The following GALNT10 variants were observed in gnomAD, a reference collection of about 807,000 sequenced individuals.
GALNT10 encodes GalNAc transferase 10.
In GALNT10, 41 loss-of-function variants were observed where a neutral mutation model predicts 75.0. The observed-to-expected ratio is 0.55, with a 90% CI of 0.43 to 0.71. The LOEUF (loss-of-function observed/expected upper bound fraction) is 0.71, where lower values mean the gene tolerates loss of function less well. GALNT10 is among the 30% of genes least tolerant of loss of function. The probability of loss-of-function intolerance (pLI) is 0.00; values close to 1 mark genes in which losing one functional copy is unlikely to be tolerated. For missense variants in GALNT10, 727 were observed against 818.5 expected, an observed-to-expected ratio of 0.89 and a Z score of 1.36; for synonymous variants, 302 against 313.0, an observed-to-expected ratio of 0.96 and a Z score of 0.37.
intron 1 of GALNT10, among the ~76,000 whole-genome samples, chr5:154,258,043 A>G (rs1308121487): frequency 6.6e-6 from 1 of 152,198 alleles, no homozygotes; most frequent in Non-Finnish European, 1.5e-5. Flanking sequence ...TCAGGAGAAG[A>G]AGGAAGAAAG....
chr5:154,330,249 T>C (rs995134905), intron 4 of GALNT10, among the ~76,000 whole-genome samples: 8 of 152,248 alleles, frequency 5.3e-5, no homozygotes, highest in Non-Finnish European at 1.2e-4. Flanking sequence ...TTTTGCCTTC[T>C]AATTCAGGAA....
chr5:154,202,338 G>T (rs1156426436), intron 1 of GALNT10, among the ~76,000 whole-genome samples: 1 of 152,200 alleles, frequency 6.6e-6, no homozygotes. Context: ...GGAGTGTGGG[G>T]CACAGCTCGG....
intron 1 of GALNT10, among the ~76,000 whole-genome samples, chr5:154,235,160 C>T (rs1449439378): frequency 6.6e-6 from 1 of 152,144 alleles, no homozygotes; most frequent in African/African-American, 2.4e-5. Context: ...GGGCTGCGGT[C>T]CCTTCGAAGC....
chr5:154,257,103 C>T lies in GALNT10; in HGVS notation c.160-37713C>T, dbSNP rs532331911. Among the ~76,000 whole-genome samples, 14 of 151,792 alleles carry T rather than the reference C, an allele frequency of 9.2e-5. No homozygotes were observed. The South Asian group carries it at 1.3e-3, about 14-fold the overall frequency. ...CAGTTGGGGCACCATAGCAAGACCC[C>T]GTCTCCAAAAAAATAAAAAATAAAT... On this transcript the variant is annotated intron_variant, in intron 1 of 11. Transcript: ENST00000297107.
chr5:154,289,860 C>T lies in GALNT10; in HGVS notation c.160-4956C>T, dbSNP rs148018255. On this transcript the variant is annotated intron_variant, in intron 1 of 11. Transcript: ENST00000297107. ...AAACCTCATTAGGCCTACACAGTATCTGTGCTGTCAAACCTGAATCCCTGG... is the reference window on the plus strand; with the variant it reads ...AAACCTCATTAGGCCTACACAGTATTTGTGCTGTCAAACCTGAATCCCTGG... 4.6e-5 allele frequency among the ~76,000 whole-genome samples: 7 copies of T among 152,306 alleles called. No homozygotes were observed. The East Asian group carries it at 1.2e-3, about 25-fold the overall frequency.
At chr5:154,246,760 G>A (rs1306963055) in intron 1 of GALNT10, among the ~76,000 whole-genome samples, 1 of 152,078 alleles carries the variant, frequency 6.6e-6, no homozygotes, top group Non-Finnish European at 1.5e-5. Flanking sequence ...TCTGTAGGTT[G>A]CCTGTTCACT....
chr5:154,379,901 G>A (rs58269907), intron 5 of GALNT10, among the ~76,000 whole-genome samples: 3,384 of 152,274 alleles, frequency 0.022, 59 homozygotes, highest in South Asian at 0.053. Context: ...ATTCTTGCAA[G>A]GAGGGCCGTT....
chr5:154,248,560 T>C (rs567641000), intron 1 of GALNT10, among the ~76,000 whole-genome samples: 1 of 152,366 alleles, frequency 6.6e-6, no homozygotes, highest in East Asian at 1.9e-4. Context: ...TGTTGAGGAA[T>C]TTATCCATTT....
chr5:154,402,633 G>A lies in GALNT10; in HGVS notation c.1057-1471G>A, dbSNP rs914314038. Among the ~76,000 whole-genome samples, 24 of 152,144 alleles carry A rather than the reference G, an allele frequency of 1.6e-4. No individual in the cohort carries two copies. The highest frequency in any genetic ancestry group is 4.6e-4 in the African/African-American group (19 of 41,434). ...GTTTGATAGCTCCACCTTGGGTCTC[G>A]CATAGGAGAATAGTCAGGCCATGAG... On this transcript the variant is annotated intron_variant, in intron 7 of 11. Coordinates refer to ENST00000297107, the MANE Select transcript of GALNT10 (RefSeq NM_198321.4). The surrounding 1 kb of genome is among the most constrained non-coding windows in gnomAD (Gnocchi z 4.2).
chr5:154,269,348 A>G (rs897473045), intron 1 of GALNT10, among the ~76,000 whole-genome samples: 4 of 152,182 alleles, frequency 2.6e-5, no homozygotes, highest in Non-Finnish European at 4.4e-5. Flanking sequence ...TGACTCTTCT[A>G]TTGGATTTTG....
chr5:154,416,480 T>TACACACACACACACTCACACAC lies in GALNT10; in HGVS notation c.1654-320_1654-319insTCACACACACACACACACACAC, dbSNP rs1756513057. On this transcript the variant is annotated intron_variant, in intron 11 of 11. Coordinates refer to ENST00000297107, the MANE Select transcript of GALNT10 (RefSeq NM_198321.4). This position sits in a 1 kb window ranked among gnomAD's most constrained non-coding sequence, Gnocchi z 4.5. ...AAATAAAAGATAAAAGGAAAGCACA[T>TACACACACACACACTCACACAC]ACACACACACACACACACACACACA... 7.1e-6 allele frequency among the ~76,000 whole-genome samples: 1 copy of TACACACACACACACTCACACAC among 141,828 alleles called. No individual in the cohort carries two copies. Among genetic ancestry groups the TACACACACACACACTCACACAC allele is most frequent in the African/African-American group, 2.7e-5 (1 of 36,794 alleles). 93.0% of individuals were successfully genotyped at this position (141,828 alleles called of 152,430 possible).
At chr5:154,269,817 T>C (rs973016530) in intron 1 of GALNT10, among the ~76,000 whole-genome samples, 2 of 151,780 alleles carry the variant, frequency 1.3e-5, no homozygotes, top group Non-Finnish European at 2.9e-5. Flanking sequence ...TGGCAGAGGG[T>C]AGGAGGGACT....
At chr5:154,329,475 G>A in intron 3 of GALNT10, 97 bp from the exon 4 acceptor site, 1 of 900,380 alleles carries the variant, frequency 1.1e-6, no homozygotes, top group South Asian at 1.5e-5. Context: ...GACTGGAGAG[G>A]AAGTGGGGTT....
chr5:154,198,757 C>G (rs1475009124), intron 1 of GALNT10, among the ~76,000 whole-genome samples: 1 of 133,252 alleles, frequency 7.5e-6, no homozygotes, highest in African/African-American at 3.5e-5. Flanking sequence ...GTTACTCCAG[C>G]CCCCAGGGGT....
At chr5:154,196,095 G>A (rs940725376) in intron 1 of GALNT10, among the ~76,000 whole-genome samples, 11 of 151,962 alleles carry the variant, frequency 7.2e-5, no homozygotes, top group Non-Finnish European at 1.2e-4. Flanking sequence ...GGCTAATTTT[G>A]TATTTTTAGT....
chr5:154,374,552 G>A (rs141168426), intron 4 of GALNT10, among the ~76,000 whole-genome samples: 6 of 152,256 alleles, frequency 3.9e-5, no homozygotes, highest in East Asian at 1.9e-4. Flanking sequence ...GCAGTGGCTC[G>A]ATCATGGCTC....
At chr5:154,283,177 C>T (rs768123371) in intron 1 of GALNT10, among the ~76,000 whole-genome samples, 8 of 151,624 alleles carry the variant, frequency 5.3e-5, no homozygotes, top group Non-Finnish European at 1.2e-4. Flanking sequence ...GGCATGATGG[C>T]TCACGCCTGT....
intron 3 of GALNT10, among the ~76,000 whole-genome samples, chr5:154,302,972 C>T (rs948225882): frequency 2.6e-5 from 4 of 152,104 alleles, no homozygotes; most frequent in Admixed American, 6.5e-5. Flanking sequence ...CTTGCCAACA[C>T]AGGAAGTTTA....
rs888200737 is a variant in GALNT10 at position 154,386,343 on chromosome 5, C to T, written c.969C>T (p.Ala323=). Reference sequence around the variant, plus strand: ...CCGTGATGGCCGGTGGACTGTTCGCCGTGGATCGGAAGTGGTTCTGGGAAC... The same window carrying T: ...CCGTGATGGCCGGTGGACTGTTCGCTGTGGATCGGAAGTGGTTCTGGGAAC... The part of the protein sequence containing the change: ...ESPVMAGGLF[A]VDRKWFWELG... The change falls in exon 7 of 12, where the codon GCC becomes GCT. Residue 323 remains alanine, a synonymous_variant. Transcript: ENST00000297107. 22 of 1,613,858 alleles carry T rather than the reference C, an allele frequency of 1.4e-5. No individual in the cohort carries two copies. Among genetic ancestry groups the T allele is most frequent in the African/African-American group, 6.7e-5 (5 of 74,902 alleles).
Sources: gnomAD v4.1 joint callset for allele counts (sites outside exome capture counted in the v4.1 genomes callset) on GRCh38, gnomAD v4.1.1 for gene constraint, Gnocchi (gnomAD v3.1) non-coding constraint, MANE v1.5 for transcripts, NCBI Gene and HGNC (gene_info 2026-07-23, HGNC 2026-07-21) for gene names.